Variants in SBNO2 observed in about 807,000 individuals in gnomAD.
The protein encoded by SBNO2 is protein strawberry notch homolog 2.
In SBNO2, 89 loss-of-function variants were observed where a neutral mutation model predicts 146.3. That is an observed-to-expected ratio of 0.61 (90% confidence interval 0.51 to 0.73). SBNO2 has a LOEUF of 0.73. SBNO2 is among the 30% of genes least tolerant of loss of function. The pLI is 0.00. For synonymous variants in SBNO2, 1,147 were observed against 892.6 expected, an observed-to-expected ratio of 1.29 and a Z score of -5.08; for missense variants, 2,092 against 2,003.7, an observed-to-expected ratio of 1.04 and a Z score of -0.84.
At chr19:1,117,269 C>A in intron 15 of SBNO2, 54 bp downstream of exon 15, 1 of 1,497,218 alleles carries the variant, frequency 6.7e-7, no homozygotes. Context: ...GAAGAGCAGC[C>A]TCCGCCCCTG....
In SBNO2 at chr19:1,157,408, G is replaced by GGCCCCGGAGACCCTCTGCCACGCA. The variant is rs2080301711; in HGVS notation, c.-126-3007_-126-3006insTGCGTGGCAGAGGGTCTCCGGGGC. Among the ~76,000 whole-genome samples, 8 of 147,166 alleles carry GGCCCCGGAGACCCTCTGCCACGCA rather than the reference G, an allele frequency of 5.4e-5. No homozygotes were observed. Among genetic ancestry groups the GGCCCCGGAGACCCTCTGCCACGCA allele is most frequent in the African/African-American group, 1.5e-4 (6 of 40,364 alleles). On this transcript the variant is annotated intron_variant, in intron 1 of 31. Coordinates refer to ENST00000361757, the MANE Select transcript of SBNO2 (RefSeq NM_014963.3). The surrounding 1 kb of genome is among the most constrained non-coding windows in gnomAD (Gnocchi z 6.8). ...AGCCCCGGAGACGCTCTCCCCACGCGGCCCCGGAGACCCTCTCCCCACGCG... is the reference window on the plus strand; with the variant it reads ...AGCCCCGGAGACGCTCTCCCCACGCGGCCCCGGAGACCCTCTGCCACGCAGCCCCGGAGACCCTCTCCCCACGCG...
At chr19:1,142,579 C>T (rs952039304) in intron 4 of SBNO2, among the ~76,000 whole-genome samples, 1 of 152,082 alleles carries the variant, frequency 6.6e-6, no homozygotes, top group Non-Finnish European at 1.5e-5. Flanking sequence ...ACTCGGGAGG[C>T]TGAGGCAGAA....
chr19:1,112,709 GCA>G lies in SBNO2; in HGVS notation c.2379+107_2379+108del, dbSNP rs912886696. On this transcript the variant is annotated intron_variant, in intron 20 of 31. Transcript: ENST00000361757. The surrounding 1 kb of genome is among the most constrained non-coding windows in gnomAD (Gnocchi z 5.9). ...ACACGGCCACTCGCGCCCGCACCTGGCACACACACACTCCAGAAGTGCGCGGG... is the reference window on the plus strand; with the variant it reads ...ACACGGCCACTCGCGCCCGCACCTGGCACACACACTCCAGAAGTGCGCGGG... 18 of 1,441,132 alleles carry G rather than the reference GCA, an allele frequency of 1.2e-5. No homozygotes were observed. The highest frequency in any genetic ancestry group is 1.5e-5 in the Non-Finnish European group (16 of 1,089,636). 89.3% of individuals were successfully genotyped at this position (1,441,132 alleles called of 1,614,324 possible). A position where few individuals can be genotyped will look rare whatever the true frequency, so the allele number is the denominator to read the frequency against.
At chr19:1,133,054 C>T (rs1358540984) in intron 4 of SBNO2, among the ~76,000 whole-genome samples, 3 of 152,168 alleles carry the variant, frequency 2.0e-5, no homozygotes, top group African/African-American at 7.2e-5. Context: ...GCGGGGCAGA[C>T]ACCTGATGGG....
intron 1 of SBNO2, among the ~76,000 whole-genome samples, chr19:1,171,797 T>C (rs1396992556): frequency 6.6e-6 from 1 of 152,072 alleles, no homozygotes; most frequent in Non-Finnish European, 1.5e-5. Context: ...GCGCAACCTC[T>C]CTCCACCTCG....
rs934057111 is a variant in SBNO2, at chr19:1,157,977, G to A, written c.-126-3575C>T. Among the ~76,000 whole-genome samples the A allele has an allele frequency of 1.3e-5, 2 of 151,830 alleles. No homozygotes were observed. The highest frequency in any genetic ancestry group is 2.9e-5 in the Non-Finnish European group (2 of 67,950). ...CGCCTCCCAGCTCTCTCCTGAGTCCGGATAACTGTCCGCCTCCCAGCTCTC... is the reference window on the plus strand; with the variant it reads ...CGCCTCCCAGCTCTCTCCTGAGTCCAGATAACTGTCCGCCTCCCAGCTCTC... On this transcript the variant is annotated intron_variant, in intron 1 of 31. Transcript: ENST00000361757. This position sits in a 1 kb window ranked among gnomAD's most constrained non-coding sequence, Gnocchi z 6.8.
At chr19:1,117,174 T>A (rs1021147233) in intron 15 of SBNO2, 149 bp downstream of exon 15, 1 of 864,986 alleles carries the variant, frequency 1.2e-6, no homozygotes, top group Admixed American at 2.8e-5. Flanking sequence ...CTGGCTCTGA[T>A]TGGAAGACGG....
At chr19:1,125,533 G>T (rs994708766) in intron 5 of SBNO2, among the ~76,000 whole-genome samples, 2 of 151,926 alleles carry the variant, frequency 1.3e-5, no homozygotes, top group Non-Finnish European at 2.9e-5. Flanking sequence ...AGCCAGGCAC[G>T]ATGGTACATG....
Position 1,122,136 on chromosome 19 carries a change from T to C in SBNO2, c.1149+3A>G. 3 of 1,428,996 alleles carry C rather than the reference T, an allele frequency of 2.1e-6. No individual in the cohort carries two copies. The highest frequency in any genetic ancestry group is 2.8e-6 in the Non-Finnish European group (3 of 1,084,782). The allele number at this position is 1,428,996 out of a possible 1,614,324, so 88.5% of individuals were successfully genotyped here. The stretch of plus-strand genomic sequence containing the variant: ...CCCCTCCCGATTGCCCCCAGCAGGA[T>C]ACGACGCCCTCGAAGGCCTCCCCAC... On this transcript the variant is annotated splice_donor_region_variant and intron_variant, in intron 11 of 31. Transcript: ENST00000361757.
intron 16 of SBNO2, 129 bp from the exon 17 acceptor site, chr19:1,116,232 C>G: frequency 1.3e-6 from 1 of 766,832 alleles, no homozygotes; most frequent in South Asian, 1.8e-5. Context: ...GGCAGAGGGT[C>G]TCCTGTGTGG....
In SBNO2 at chr19:1,144,402, G is replaced by A. The variant is rs1599862461; in HGVS notation, c.279+2907C>T. ...AGCATGAGGCGGCTGTAGGCAGGGT[G>A]GGCAGGGAGCCGGGCGGGCGGTGCT... is the stretch of plus-strand genomic sequence containing the variant. On this transcript the variant is annotated intron_variant, in intron 4 of 31. Coordinates refer to ENST00000361757, the MANE Select transcript of SBNO2 (RefSeq NM_014963.3). The surrounding 1 kb of genome is among the most constrained non-coding windows in gnomAD (Gnocchi z 4.1). Among the ~76,000 whole-genome samples, 4 of 152,332 alleles carry A rather than the reference G, an allele frequency of 2.6e-5. No homozygotes were observed. In the South Asian group the frequency reaches 8.3e-4, roughly 32 times the overall value.
Position 1,158,995 on chromosome 19 carries a change from C to T in SBNO2, c.-126-4593G>A, listed in dbSNP as rs1347634288. Among the ~76,000 whole-genome samples the T allele has an allele frequency of 9.2e-5, 14 of 151,914 alleles. No individual in the cohort carries two copies. The East Asian group carries it at 2.7e-3, about 29-fold the overall frequency. On this transcript the variant is annotated intron_variant, in intron 1 of 31. Coordinates refer to ENST00000361757, the MANE Select transcript of SBNO2 (RefSeq NM_014963.3). The surrounding 1 kb of genome is among the most constrained non-coding windows in gnomAD (Gnocchi z 9.9). ...TGCAACCGCCGCCCCACGGCCGTGA[C>T]CCCACCTGCACCCGCGACCCCACCT...
intron 18 of SBNO2, 121 bp from the exon 19 acceptor site, chr19:1,113,825 G>T: frequency 7.8e-7 from 1 of 1,280,910 alleles, no homozygotes; most frequent in Non-Finnish European, 1.0e-6. Flanking sequence ...AGGGACGGCA[G>T]GGTGGCGGGG....
chr19:1,144,845 G>C lies in SBNO2; in HGVS notation c.279+2464C>G, dbSNP rs569644532. ...AGAGGGAGACAGAGAGACAGGGGCA[G>C]AGACAAGCAGAGAGGGAGACACAGA... is the stretch of plus-strand genomic sequence containing the variant. On this transcript the variant is annotated intron_variant, in intron 4 of 31. Transcript: ENST00000361757. The surrounding 1 kb of genome is among the most constrained non-coding windows in gnomAD (Gnocchi z 4.1). Among the ~76,000 whole-genome samples the C allele has an allele frequency of 1.3e-5, 2 of 150,688 alleles. No homozygotes were observed. The highest frequency in any genetic ancestry group is 6.6e-5 in the Admixed American group (1 of 15,146).
chr19:1,122,573 C>T lies in SBNO2; in HGVS notation c.915-15G>A, dbSNP rs775081237. The T allele has an allele frequency of 4.3e-5, 66 of 1,526,482 alleles. 1 individual carries two copies. The highest frequency in any genetic ancestry group is 2.7e-4 in the East Asian group (11 of 40,604). The allele number at this position is 1,526,482 out of a possible 1,614,324, so 94.6% of individuals were successfully genotyped here. On this transcript the variant is annotated splice_polypyrimidine_tract_variant and intron_variant, in intron 9 of 31. Transcript: ENST00000361757. ...AGACGCTGAACCTGCGGGGTGGGGG[C>T]GTCAGGCGCGCCCACCCTTCCCCCT...
rs538568408 is a variant in SBNO2, at chr19:1,109,601, G to A, written c.3124-3C>T. 82 of 1,489,050 alleles carry A rather than the reference G, an allele frequency of 5.5e-5. No homozygotes were observed. The highest frequency in any genetic ancestry group is 6.8e-5 in the Non-Finnish European group (75 of 1,105,346). The allele number at this position is 1,489,050 out of a possible 1,614,324, so 92.2% of individuals were successfully genotyped here. A position where few individuals can be genotyped will look rare whatever the true frequency, so the allele number is the denominator to read the frequency against. The stretch of plus-strand genomic sequence containing the variant: ...TTCAGGCCGCGGTCCACGCTGATCT[G>A]CCACGGCACGGGGTGGGGGGGTGTG... On this transcript the variant is annotated splice_region_variant and splice_polypyrimidine_tract_variant and intron_variant, in intron 27 of 31. Coordinates refer to ENST00000361757, the MANE Select transcript of SBNO2 (RefSeq NM_014963.3). This position sits in a 1 kb window ranked among gnomAD's most constrained non-coding sequence, Gnocchi z 4.2.
rs1276517608 is a variant in SBNO2, at chr19:1,119,751, C to T, written c.1268-130G>A. The T allele has an allele frequency of 1.4e-5, 14 of 984,772 alleles. No individual in the cohort carries two copies. The East Asian group carries it at 2.1e-4, about 15-fold the overall frequency. The allele number at this position is 984,772 out of a possible 1,614,324, so 61.0% of individuals were successfully genotyped here. A position where few individuals can be genotyped will look rare whatever the true frequency, so the allele number is the denominator to read the frequency against. ...GAGCCATGGGCCTGAAGAGAGCCAG[C>T]GTGGCCTTGGGACAGGCGCAGAGGT... On this transcript the variant is annotated intron_variant, in intron 12 of 31. Coordinates refer to ENST00000361757, the MANE Select transcript of SBNO2 (RefSeq NM_014963.3).
In SBNO2 at chr19:1,112,059, C is replaced by CA; in HGVS notation, c.2636dup (p.Thr880AspfsTer12). ...CCGTGGCGCGGCGGTCTCCGTGGGT[C>CA]AGGGCCCCCTGCCAGGGGTGGGGAG... On this transcript the variant is annotated frameshift_variant, in exon 23 of 32. Coordinates refer to ENST00000361757, the MANE Select transcript of SBNO2 (RefSeq NM_014963.3). LOFTEE classifies it high-confidence loss of function. The surrounding 1 kb of genome is among the most constrained non-coding windows in gnomAD (Gnocchi z 5.9). 1 of 1,612,470 alleles carries CA rather than the reference C, an allele frequency of 6.2e-7. No homozygotes were observed. The highest frequency in any genetic ancestry group is 8.5e-7 in the Non-Finnish European group (1 of 1,179,746).
intron 1 of SBNO2, among the ~76,000 whole-genome samples, chr19:1,156,807 G>A (rs964578087): frequency 2.7e-5 from 4 of 150,090 alleles, no homozygotes; most frequent in African/African-American, 9.7e-5. Context: ...AGAGACAGAA[G>A]GGGATGCGTG....
Sources: allele counts gnomAD v4.1 joint callset (sites outside exome capture counted in the v4.1 genomes callset), GRCh38; gene constraint gnomAD v4.1.1; non-coding constraint Gnocchi (gnomAD v3.1); transcripts MANE v1.5; gene names NCBI Gene and HGNC (gene_info 2026-07-23, HGNC 2026-07-21).